CACNA1H: variants seen among roughly 807,000 people sequenced by gnomAD.
The protein encoded by CACNA1H is voltage-dependent T-type calcium channel subunit alpha-1H.
A neutral mutation model predicts 192.5 loss-of-function variants in CACNA1H; 149 were observed. That is an observed-to-expected ratio of 0.77 (90% CI 0.68 to 0.89). The LOEUF (loss-of-function observed/expected upper bound fraction) is 0.89. Ranked by LOEUF, CACNA1H falls within the 40% of genes least tolerant of loss-of-function variation. CACNA1H has a pLI of 0.00. For synonymous variants in CACNA1H, 2,202 were observed against 1,475.2 expected, an observed-to-expected ratio of 1.49 and a Z score of -11.29; for missense variants, 4,257 against 3,423.5, an observed-to-expected ratio of 1.24 and a Z score of -6.08.
chr16:1,153,106 A>G lies in CACNA1H; in HGVS notation c.-383A>G, dbSNP rs1267246677. On this transcript the variant is annotated 5_prime_UTR_variant, in exon 1 of 35. Coordinates refer to ENST00000348261, the MANE Select transcript of CACNA1H (RefSeq NM_021098.3). Reference sequence around the variant, plus strand: ...CGCCCCGCCCCGCCCCCCGCCGCTCAGCCCGAAGTTTCCTGCGCCGCGCGC... The same window carrying G: ...CGCCCCGCCCCGCCCCCCGCCGCTCGGCCCGAAGTTTCCTGCGCCGCGCGC... The G allele has an allele frequency of 1.6e-5, 2 of 121,518 alleles. No individual in the cohort carries two copies. The highest frequency in any genetic ancestry group is 3.5e-5 in the Non-Finnish European group (2 of 57,202). The allele number at this position is 121,518 out of a possible 1,614,324, so 7.5% of individuals were successfully genotyped here. A position where few individuals can be genotyped will look rare whatever the true frequency, so the allele number is the denominator to read the frequency against.
Position 1,213,787 on chromosome 16 carries a change from G to C in CACNA1H, c.4785G>C (p.Gln1595His). ...TGGCCGCCCTCCCCGCAGAGGCCCA[G>C]CGCCGGCCCTACTATGCCGACTACT... ...RRSTFPSPEA[Q>H]RRPYYADYSP... Residue 1595 changes from glutamine (Q) to histidine (H), a missense_variant, in exon 27 of 35, where the codon CAG becomes CAC. Coordinates refer to ENST00000348261, the MANE Select transcript of CACNA1H (RefSeq NM_021098.3). The C allele has an allele frequency of 6.4e-7, 1 of 1,558,028 alleles. No individual in the cohort carries two copies. Among genetic ancestry groups the C allele is most frequent in the Non-Finnish European group, 8.7e-7 (1 of 1,154,096 alleles).
intron 30 of CACNA1H, among the ~76,000 whole-genome samples, chr16:1,216,669 G>A (rs1158308276): frequency 6.6e-6 from 1 of 152,274 alleles, no homozygotes; most frequent in South Asian, 2.1e-4. Context: ...CAGGGCAGAG[G>A]AAGAGAGAAG....
intron 2 of CACNA1H, among the ~76,000 whole-genome samples, chr16:1,193,756 CCTG>C (rs1567490951): frequency 6.6e-6 from 1 of 152,012 alleles, no homozygotes; most frequent in Non-Finnish European, 1.5e-5. Context: ...CAAATGCTGA[CCTG>C]CTAGGAGGCT....
intron 27 of CACNA1H, among the ~76,000 whole-genome samples, chr16:1,214,356 C>T (rs1969819224): frequency 6.6e-6 from 1 of 152,242 alleles, no homozygotes; most frequent in African/African-American, 2.4e-5. Flanking sequence ...CTCTGGGTAG[C>T]AGTAAGCTTT....
intron 2 of CACNA1H, among the ~76,000 whole-genome samples, chr16:1,178,833 G>A (rs1965180208): frequency 6.6e-6 from 1 of 152,360 alleles, no homozygotes; most frequent in South Asian, 2.1e-4. Context: ...AGTGGCCGGG[G>A]CAGGCAGGTG....
At position 1,217,953 on chromosome 16, in the gene CACNA1H, C is replaced by T; in HGVS notation, c.5358C>T (p.Ser1786=). Residue 1786 remains serine, a synonymous_variant, in exon 32 of 35, where the codon AGC becomes AGT. Coordinates refer to ENST00000348261, the MANE Select transcript of CACNA1H (RefSeq NM_021098.3). ...CSEDNPCEGL[S]RHATFSNFGM... is the part of the protein sequence containing the mutation. ...AAGACAACCCCTGCGAGGGCCTGAG[C>T]AGGCACGCCACCTTCAGCAACTTCG... The T allele has an allele frequency of 6.2e-7, 1 of 1,605,556 alleles. No individual in the cohort carries two copies. The highest frequency in any genetic ancestry group is 8.5e-7 in the Non-Finnish European group (1 of 1,176,816).
chr16:1,186,798 CA>C (rs767250481), intron 2 of CACNA1H, among the ~76,000 whole-genome samples: 1 of 152,204 alleles, frequency 6.6e-6, no homozygotes, highest in Non-Finnish European at 1.5e-5. Context: ...CTTCTGTATA[CA>C]AGCAGTGCGC....
At chr16:1,195,178 G>A in intron 3 of CACNA1H, 95 bp downstream of exon 3, 2 of 1,004,116 alleles carry the variant, frequency 2.0e-6, no homozygotes, top group South Asian at 2.9e-5. Context: ...AAGGTTCAAG[G>A]TGGGGCGTGG....
intron 12 of CACNA1H, chr16:1,206,765 C>A: frequency 1.9e-6 from 1 of 520,116 alleles, no homozygotes; most frequent in Non-Finnish European, 3.4e-6. Context: ...TCTGTCTGTC[C>A]CGCCTCTGGT....
intron 2 of CACNA1H, among the ~76,000 whole-genome samples, chr16:1,177,711 G>A (rs1020464386): frequency 6.6e-6 from 1 of 151,952 alleles, no homozygotes; most frequent in Non-Finnish European, 1.5e-5. Flanking sequence ...TGGGCAGGAT[G>A]GGGCTCCACG....
chr16:1,174,791 C>G (rs1322842124), intron 2 of CACNA1H, among the ~76,000 whole-genome samples: 2 of 152,350 alleles, frequency 1.3e-5, no homozygotes, highest in Admixed American at 6.5e-5. Context: ...TGGATCGATT[C>G]AGACATGGAC....
intron 2 of CACNA1H, among the ~76,000 whole-genome samples, chr16:1,169,404 G>A (rs1338534172): frequency 6.6e-6 from 1 of 152,198 alleles, no homozygotes; most frequent in African/African-American, 2.4e-5. Context: ...TGGTGGGTTG[G>A]GCCCCGAGAG....
In CACNA1H at chr16:1,220,574, C is replaced by T. The variant is rs1555521091; in HGVS notation, c.6642C>T (p.Thr2214=). The change falls in exon 35 of 35, where the codon ACC becomes ACT. Residue 2214 remains threonine, a synonymous_variant. Transcript: ENST00000348261. ...ARPSAAEGGS[T]TLRRRTPSCE... is the part of the protein sequence containing the mutation. ...CCTCCGCGGCAGAGGGCGGCAGCAC[C>T]ACACTGAGGCGCAGGACCCCGTCCT... 1.3e-6 allele frequency: 2 copies of T among 1,538,000 alleles called. No individual in the cohort carries two copies. The highest frequency in any genetic ancestry group is 1.7e-6 in the Non-Finnish European group (2 of 1,149,076).
At chr16:1,168,108 C>G (rs929705541) in intron 2 of CACNA1H, among the ~76,000 whole-genome samples, 1 of 152,118 alleles carries the variant, frequency 6.6e-6, no homozygotes, top group African/African-American at 2.4e-5. Flanking sequence ...AGAGGTGGAC[C>G]AGAATTCCCC....
chr16:1,165,040 G>A (rs1050438705), intron 2 of CACNA1H, among the ~76,000 whole-genome samples: 3 of 152,186 alleles, frequency 2.0e-5, no homozygotes, highest in African/African-American at 7.2e-5. Flanking sequence ...GGACACCTGT[G>A]CAGGGGTGGG....
At chr16:1,219,171 T>G (rs1567557133) in intron 34 of CACNA1H, 41 bp downstream of exon 34, 1 of 1,478,442 alleles carries the variant, frequency 6.8e-7, no homozygotes, top group South Asian at 1.3e-5. Context: ...CTGGCGGGGA[T>G]GGGGGGCTTG....
In CACNA1H at chr16:1,218,046, C is replaced by T. The variant is rs372544546; in HGVS notation, c.5445+6C>T. The T allele has an allele frequency of 7.9e-5, 126 of 1,596,844 alleles. No homozygotes were observed. In the African/African-American group the frequency reaches 1.4e-3, roughly 17 times the overall value. On this transcript the variant is annotated splice_donor_region_variant and intron_variant, in intron 32 of 34. Coordinates refer to ENST00000348261, the MANE Select transcript of CACNA1H (RefSeq NM_021098.3). ...ACTGGAACGGGATCATGAAGGTACC[C>T]GCCGCGGCCATGCCTCTGGCACCTG...
chr16:1,177,602 A>G (rs909643003), intron 2 of CACNA1H, among the ~76,000 whole-genome samples: 7 of 151,956 alleles, frequency 4.6e-5, no homozygotes, highest in African/African-American at 1.5e-4. Flanking sequence ...GGGGCGTCCT[A>G]GTGTGCTTGG....
At chr16:1,168,875 G>T (rs1964075032) in intron 2 of CACNA1H, among the ~76,000 whole-genome samples, 1 of 152,084 alleles carries the variant, frequency 6.6e-6, no homozygotes, top group Non-Finnish European at 1.5e-5. Context: ...CCCCACTTTA[G>T]GGGCCGCAGG....
Sources: gnomAD v4.1 joint callset for allele counts (sites outside exome capture counted in the v4.1 genomes callset) on GRCh38, gnomAD v4.1.1 for gene constraint, MANE v1.5 for transcripts, NCBI Gene and HGNC (gene_info 2026-07-23, HGNC 2026-07-21) for gene names.